The following NLGN1 variants were observed in gnomAD, a reference collection of about 807,000 sequenced individuals.
The protein encoded by NLGN1 is neuroligin-1.
A neutral mutation model predicts 65.5 loss-of-function variants in NLGN1; 12 were observed. That is an observed-to-expected ratio of 0.18 (90% CI 0.12 to 0.30). The LOEUF (loss-of-function observed/expected upper bound fraction) is 0.30, where lower values mean the gene tolerates loss of function less well. NLGN1 is among the 10% of genes least tolerant of loss of function. The probability of loss-of-function intolerance (pLI) is 1.00; values close to 1 mark genes in which losing one functional copy is unlikely to be tolerated. For missense variants in NLGN1, 750 were observed against 1,007.1 expected (o/e 0.74, Z 3.46); for synonymous variants, 350 against 359.5 (o/e 0.97, Z 0.30).
chr3:173,596,760 C>T (rs1749560400), intron 2 of NLGN1, among the ~76,000 whole-genome samples: 1 of 152,172 alleles, frequency 6.6e-6, no homozygotes, highest in African/African-American at 2.4e-5. Context: ...AGACCTTCAA[C>T]TTTGATATTC....
chr3:174,171,641 AT>A (rs1728551549), intron 4 of NLGN1, among the ~76,000 whole-genome samples: 1 of 152,156 alleles, frequency 6.6e-6, no homozygotes, highest in Admixed American at 6.6e-5. Context: ...ATTCATAAGC[AT>A]TTTTACAGAG....
chr3:173,573,753 C>T (rs1324296700), intron 2 of NLGN1, among the ~76,000 whole-genome samples: 2 of 150,858 alleles, frequency 1.3e-5, no homozygotes, highest in Non-Finnish European at 3.0e-5. Context: ...TTGATTGTGT[C>T]AGGATTAAGA....
chr3:173,541,302 A>G (rs968361151), intron 2 of NLGN1, among the ~76,000 whole-genome samples: 1 of 152,150 alleles, frequency 6.6e-6, no homozygotes, highest in Non-Finnish European at 1.5e-5. Flanking sequence ...TCAGGGTTGC[A>G]ACAAATTATA....
chr3:173,714,010 A>T (rs1769426451), intron 3 of NLGN1, among the ~76,000 whole-genome samples: 1 of 152,188 alleles, frequency 6.6e-6, no homozygotes, highest in African/African-American at 2.4e-5. Context: ...AGGGAAAAGT[A>T]GATTAAGAAA....
At chr3:173,975,096 C>T (rs532342718) in intron 4 of NLGN1, among the ~76,000 whole-genome samples, 1 of 152,106 alleles carries the variant, frequency 6.6e-6, no homozygotes, top group East Asian at 1.9e-4. Flanking sequence ...GTGTCAGCAT[C>T]GTGGAAATGG....
intron 3 of NLGN1, among the ~76,000 whole-genome samples, chr3:173,659,064 C>T (rs1322565568): frequency 6.6e-6 from 1 of 151,970 alleles, no homozygotes; most frequent in East Asian, 1.9e-4. Flanking sequence ...TGCATTATCT[C>T]ATTAGGCAGG....
intron 3 of NLGN1, among the ~76,000 whole-genome samples, chr3:173,774,746 C>T (rs557238572): frequency 6.6e-5 from 10 of 151,930 alleles, no homozygotes; most frequent in African/African-American, 2.4e-4. Flanking sequence ...TACATTGGTA[C>T]TCTCATTTGC....
chr3:173,757,510 A>T (rs1777320705), intron 3 of NLGN1, among the ~76,000 whole-genome samples: 1 of 152,002 alleles, frequency 6.6e-6, no homozygotes, highest in South Asian at 2.1e-4. Context: ...TACCTTTAAA[A>T]TGTAGAACAT....
At chr3:173,801,767 C>T (rs1170103141) in intron 3 of NLGN1, among the ~76,000 whole-genome samples, 1 of 152,028 alleles carries the variant, frequency 6.6e-6, no homozygotes, top group Non-Finnish European at 1.5e-5. Flanking sequence ...TGAAACAAAT[C>T]ATTATCGCTG....
chr3:174,266,046 A>T (rs971538172), intron 4 of NLGN1, among the ~76,000 whole-genome samples: 290 of 145,460 alleles, frequency 2.0e-3, no homozygotes, highest in East Asian at 4.0e-3. Context: ...ATATATATAT[A>T]TTTTTTTTTT....
chr3:173,419,804 A>C (rs1029411126), intron 1 of NLGN1, among the ~76,000 whole-genome samples: 1 of 152,082 alleles, frequency 6.6e-6, no homozygotes, highest in Admixed American at 6.5e-5. Flanking sequence ...CCCCATCTCT[A>C]TCTGGTAAAA....
At chr3:174,235,857 G>A (rs1216048075) in intron 4 of NLGN1, among the ~76,000 whole-genome samples, 1 of 152,138 alleles carries the variant, frequency 6.6e-6, no homozygotes, top group Non-Finnish European at 1.5e-5. Flanking sequence ...GCAAGAAATA[G>A]AGTTAAGCTC....
chr3:173,499,827 G>A (rs1394879729), intron 2 of NLGN1, among the ~76,000 whole-genome samples: 1 of 151,800 alleles, frequency 6.6e-6, no homozygotes. Context: ...ATTGTGAATG[G>A]GAGTTCACTC....
intron 4 of NLGN1, among the ~76,000 whole-genome samples, chr3:174,071,734 A>C (rs949674430): frequency 2.0e-5 from 3 of 151,944 alleles, no homozygotes; most frequent in Admixed American, 1.3e-4. Context: ...AAAAAAAAAA[A>C]AATCAAGTGT....
At chr3:173,416,750 T>C (rs892648078) in intron 1 of NLGN1, among the ~76,000 whole-genome samples, 11 of 152,144 alleles carry the variant, frequency 7.2e-5, no homozygotes, top group African/African-American at 2.2e-4. Flanking sequence ...ATTTGTATTC[T>C]TTAGAATTTG....
At chr3:173,532,553 A>C (rs1736753411) in intron 2 of NLGN1, among the ~76,000 whole-genome samples, 1 of 152,160 alleles carries the variant, frequency 6.6e-6, no homozygotes, top group African/African-American at 2.4e-5. Context: ...TTCTTGAAGA[A>C]ATCTTCATGA....
chr3:173,882,868 A>G (rs1319805516), intron 4 of NLGN1, among the ~76,000 whole-genome samples: 3 of 151,562 alleles, frequency 2.0e-5, no homozygotes, highest in Admixed American at 6.6e-5. Context: ...TTGACTTTTA[A>G]CATGTCTTTC....
At chr3:173,725,941 T>C (rs967101561) in intron 3 of NLGN1, among the ~76,000 whole-genome samples, 1 of 152,168 alleles carries the variant, frequency 6.6e-6, no homozygotes, top group African/African-American at 2.4e-5. Flanking sequence ...TATAGGCAGT[T>C]CAGTGCATGC....
intron 3 of NLGN1, among the ~76,000 whole-genome samples, chr3:173,737,214 A>T (rs1287278909): frequency 7.1e-5 from 10 of 141,806 alleles, no homozygotes; most frequent in Non-Finnish European, 1.4e-4. Context: ...ATGATTGCTA[A>T]TATAAAGCCT....
Sources: gnomAD v4.1 joint callset for allele counts (sites outside exome capture counted in the v4.1 genomes callset) on GRCh38, gnomAD v4.1.1 for gene constraint, MANE v1.5 for transcripts, NCBI Gene and HGNC (gene_info 2026-07-23, HGNC 2026-07-21) for gene names.